Variants in SOCS7 observed in about 807,000 individuals in gnomAD.
SOCS7 encodes the protein NAP-4.
A neutral mutation model predicts 58.9 loss-of-function variants in SOCS7; 18 were observed. That is an observed-to-expected ratio of 0.31 (90% CI 0.21 to 0.45). The LOEUF (loss-of-function observed/expected upper bound fraction) is 0.45, where lower values mean the gene tolerates loss of function less well. Ranked by LOEUF, SOCS7 falls within the 20% of genes least tolerant of loss-of-function variation. The pLI is 1.00. For missense variants in SOCS7, 667 were observed against 837.3 expected, an observed-to-expected ratio of 0.80 and a Z score of 2.51; for synonymous variants, 388 against 364.3, an observed-to-expected ratio of 1.06 and a Z score of -0.74.
chr17:38,395,165 A>G, intron 7 of SOCS7, 144 bp from the exon 8 acceptor site: 1 of 708,212 alleles, frequency 1.4e-6, no homozygotes, highest in South Asian at 2.4e-5. Flanking sequence ...AATCAACAGC[A>G]CTTTGTGGAG....
intron 7 of SOCS7, among the ~76,000 whole-genome samples, chr17:38,381,844 G>A (rs2038004237): frequency 1.4e-5 from 2 of 146,422 alleles, no homozygotes. Context: ...CACATCTGTA[G>A]TCCTAGCTAT....
At chr17:38,373,003 G>A (rs936808437) in intron 6 of SOCS7, among the ~76,000 whole-genome samples, 2 of 152,110 alleles carry the variant, frequency 1.3e-5, no homozygotes, top group Admixed American at 1.3e-4. Context: ...CTACTCAGGA[G>A]GCTGAGGCAG....
rs58800510 is a variant in SOCS7 at position 38,403,610 on chromosome 17, ATG to A, written c.*4146_*4147del. 0.019 allele frequency: 2,934 copies of A among 150,786 alleles called. 96 individuals carry two copies. Among genetic ancestry groups the A allele is most frequent in the African/African-American group, 0.067 (2,744 of 41,152 alleles). 9.3% of individuals were successfully genotyped at this position (150,786 alleles called of 1,614,324 possible). A position where few individuals can be genotyped will look rare whatever the true frequency, so the allele number is the denominator to read the frequency against. On this transcript the variant is annotated 3_prime_UTR_variant, in exon 10 of 10. Coordinates refer to ENST00000612932, the MANE Select transcript of SOCS7 (RefSeq NM_014598.4). ...AGTCTGTGTGTGTGCATATGCATGC[ATG>A]TGTGTGTGTGTGTGTGTCCTCATTT...
At chr17:38,373,600 A>G (rs1306380476) in intron 6 of SOCS7, among the ~76,000 whole-genome samples, 4 of 152,222 alleles carry the variant, frequency 2.6e-5, no homozygotes, top group African/African-American at 4.8e-5. Flanking sequence ...GGCATGCACA[A>G]TGAGAACCTT....
At chr17:38,362,765 CT>C (rs2037736687) in intron 2 of SOCS7, among the ~76,000 whole-genome samples, 1 of 152,148 alleles carries the variant, frequency 6.6e-6, no homozygotes, top group Non-Finnish European at 1.5e-5. Context: ...AAAATCTTAT[CT>C]TGCGATACCA....
At chr17:38,361,836 G>A in intron 2 of SOCS7, 61 bp downstream of exon 2, 1 of 1,211,782 alleles carries the variant, frequency 8.3e-7, no homozygotes, top group South Asian at 1.4e-5. Flanking sequence ...GAGACCTGTT[G>A]GGAAACACTT....
chr17:38,374,431 G>A (rs1158872947), intron 6 of SOCS7, among the ~76,000 whole-genome samples: 1 of 151,558 alleles, frequency 6.6e-6, no homozygotes, highest in African/African-American at 2.4e-5. Context: ...CCAGGTACTC[G>A]GGAGGGTCAA....
rs1357286573 is a variant in SOCS7 at position 38,370,651 on chromosome 17, A to AT, written c.1552+2617dup. ...CCACTGTACCTCGCCTATAACCGGA[A>AT]TTTTTTTTTTTTTTTTGAGACAGAG... On this transcript the variant is annotated intron_variant, in intron 6 of 9. Coordinates refer to ENST00000612932, the MANE Select transcript of SOCS7 (RefSeq NM_014598.4). Among the ~76,000 whole-genome samples the AT allele has an allele frequency of 8.5e-3, 1,192 of 140,478 alleles. 12 individuals are homozygous for AT. Among genetic ancestry groups the AT allele is most frequent in the African/African-American group, 0.023 (887 of 38,388 alleles). 92.2% of individuals were successfully genotyped at this position (140,478 alleles called of 152,430 possible).
chr17:38,361,785 AT>A lies in SOCS7; in HGVS notation c.1045+11del. On this transcript the variant is annotated intron_variant, in intron 2 of 9. Coordinates refer to ENST00000612932, the MANE Select transcript of SOCS7 (RefSeq NM_014598.4). ...AGCCCCCTGTTCACAGGTAAGGGTAATATCTTTCTCTCTTCTGACATCTGAA... is the reference window on the plus strand; with the variant it reads ...AGCCCCCTGTTCACAGGTAAGGGTAAATCTTTCTCTCTTCTGACATCTGAA... 1.3e-6 allele frequency: 2 copies of A among 1,596,860 alleles called. No homozygotes were observed. Among genetic ancestry groups the A allele is most frequent in the Non-Finnish European group, 1.7e-6 (2 of 1,170,186 alleles).
chr17:38,376,502 C>T (rs868331682), intron 6 of SOCS7, among the ~76,000 whole-genome samples: 12 of 152,126 alleles, frequency 7.9e-5, no homozygotes, highest in African/African-American at 2.4e-4. Context: ...GAGGCCGAGG[C>T]GAGTGGATCA....
At chr17:38,387,133 G>GTGTGTATATATATATA (rs1269515665) in intron 7 of SOCS7, among the ~76,000 whole-genome samples, 1 of 73,492 alleles carries the variant, frequency 1.4e-5, no homozygotes, top group African/African-American at 7.0e-5. Context: ...ATATATGTAT[G>GTGTGTATATATATATA]TATATATATA....
rs1384951157 is a variant in SOCS7, at chr17:38,403,464, G to C, written c.*3982G>C. 3 of 152,284 alleles carry C rather than the reference G, an allele frequency of 2.0e-5. No homozygotes were observed. Among genetic ancestry groups the C allele is most frequent in the African/African-American group, 7.2e-5 (3 of 41,452 alleles). The allele number at this position is 152,284 out of a possible 1,614,324, so 9.4% of individuals were successfully genotyped here. ...TCCCTGCAGAAACTGGGGCGAGGAG[G>C]AGCTTTTTCCTTCAGTTAGATCTTT... On this transcript the variant is annotated 3_prime_UTR_variant, in exon 10 of 10. Coordinates refer to ENST00000612932, the MANE Select transcript of SOCS7 (RefSeq NM_014598.4).
rs769857717 is a variant in SOCS7, at chr17:38,352,829, C to T, written c.777C>T (p.Pro259=). ...QQQPPPPPPP[P]GPLRPLAGPS... ...AACCTCCCCCGCCCCCGCCTCCTCC[C>T]GGGCCCCTCCGGCCACTCGCGGGTC... Residue 259 remains proline, a synonymous_variant, in exon 1 of 10, where the codon CCC becomes CCT. Transcript: ENST00000612932. The surrounding 1 kb of genome is among the most constrained non-coding windows in gnomAD (Gnocchi z 5.5). 6.4e-6 allele frequency: 10 copies of T among 1,565,936 alleles called. No individual in the cohort carries two copies. In the South Asian group the frequency reaches 1.2e-4, roughly 18 times the overall value.
chr17:38,357,102 GAA>G (rs869282754), intron 1 of SOCS7, among the ~76,000 whole-genome samples: 1 of 152,024 alleles, frequency 6.6e-6, no homozygotes, highest in African/African-American at 2.4e-5. Flanking sequence ...ATTTGGGGGG[GAA>G]AAAAACAAAA....
chr17:38,368,224 G>A (rs1437940758), intron 6 of SOCS7, among the ~76,000 whole-genome samples, 174 bp downstream of exon 6: 2 of 152,210 alleles, frequency 1.3e-5, no homozygotes, highest in African/African-American at 2.4e-5. Flanking sequence ...AAGAAATGGA[G>A]GGGGTAGGGA....
chr17:38,376,698 C>T (rs1196543763), intron 6 of SOCS7, among the ~76,000 whole-genome samples: 1 of 151,806 alleles, frequency 6.6e-6, no homozygotes, highest in Non-Finnish European at 1.5e-5. Flanking sequence ...CGCCACTACA[C>T]TCCAGCCTGG....
chr17:38,362,503 C>T (rs1192193868), intron 2 of SOCS7, among the ~76,000 whole-genome samples: 26 of 152,294 alleles, frequency 1.7e-4, no homozygotes, highest in Non-Finnish European at 3.4e-4. Context: ...GAGTACTTCT[C>T]ATTGGTTGTG....
At position 38,368,059 on chromosome 17, in the gene SOCS7, T is replaced by TA; in HGVS notation, c.1552+10dup. ...AATGGAGCACTACAGAGGTAAGAGATACTGGTAAGAGAGGCTTCTTCCCCC... is the reference window on the plus strand; with the variant it reads ...AATGGAGCACTACAGAGGTAAGAGATAACTGGTAAGAGAGGCTTCTTCCCCC... On this transcript the variant is annotated intron_variant, in intron 6 of 9. Transcript: ENST00000612932. The TA allele has an allele frequency of 1.3e-6, 2 of 1,591,686 alleles. No homozygotes were observed. The highest frequency in any genetic ancestry group is 1.7e-6 in the Non-Finnish European group (2 of 1,165,376).
chr17:38,374,777 C>T (rs2037910654), intron 6 of SOCS7, among the ~76,000 whole-genome samples: 2 of 152,068 alleles, frequency 1.3e-5, no homozygotes, highest in Non-Finnish European at 2.9e-5. Flanking sequence ...TGCCAGATGA[C>T]GAGGAAGAAG....
Sources: gnomAD v4.1 joint callset for allele counts (sites outside exome capture counted in the v4.1 genomes callset) on GRCh38, gnomAD v4.1.1 for gene constraint, Gnocchi (gnomAD v3.1) non-coding constraint, MANE v1.5 for transcripts, NCBI Gene and HGNC (gene_info 2026-07-23, HGNC 2026-07-21) for gene names.